SHISA9: variants seen among roughly 807,000 people sequenced by gnomAD.
The protein encoded by SHISA9 is shisa family member 9.
A neutral mutation model predicts 38.0 loss-of-function variants in SHISA9; 13 were observed. The observed-to-expected ratio is 0.34, with a 90% CI of 0.22 to 0.54. SHISA9 has a LOEUF of 0.54. SHISA9 is among the 20% of genes least tolerant of loss of function. SHISA9 has a pLI of 0.91. For missense variants in SHISA9, 538 were observed against 575.8 expected, an observed-to-expected ratio of 0.93 and a Z score of 0.67; for synonymous variants, 275 against 242.0, an observed-to-expected ratio of 1.14 and a Z score of -1.27.
At chr16:13,242,974 C>T (rs547709346), downstream of SHISA9, among the ~76,000 whole-genome samples, 61 of 152,276 alleles carry the variant, frequency 4.0e-4, no homozygotes, top group African/African-American at 1.3e-3. Context: ...GGCACGGTGG[C>T]TCATGCCTGT....
At chr16:13,557,121 A>G in the SHISA9 span, among the ~76,000 whole-genome samples, 1 of 152,340 alleles carries the variant, frequency 6.6e-6, no homozygotes, top group Non-Finnish European at 1.5e-5. Context: ...GAAATAATCA[A>G]TGAAGAATAA....
At chr16:13,416,767 G>GA in the SHISA9 span, among the ~76,000 whole-genome samples, 1 of 109,342 alleles carries the variant, frequency 9.1e-6, no homozygotes, top group Admixed American at 1.0e-4. Flanking sequence ...AGGAAGGAAG[G>GA]AAGGAAGGGA....
intron 2 of SHISA9, among the ~76,000 whole-genome samples, chr16:13,063,386 CAA>C (rs1332633829): frequency 6.6e-6 from 1 of 151,268 alleles, no homozygotes; most frequent in African/African-American, 2.4e-5. Context: ...AAAAAAAAAA[CAA>C]AATCCATGTC....
At chr16:13,038,750 C>G (rs80148352) in intron 2 of SHISA9, among the ~76,000 whole-genome samples, 4,057 of 152,260 alleles carry the variant, frequency 0.027, 112 homozygotes, top group East Asian at 0.12. Context: ...TAATTCTCTT[C>G]CTCACTAGAC....
At chr16:13,289,364 G>T in the SHISA9 span, among the ~76,000 whole-genome samples, 1 of 151,328 alleles carries the variant, frequency 6.6e-6, no homozygotes, top group Non-Finnish European at 1.5e-5. Context: ...TTTGGTTGGT[G>T]GGGGGGCGGG....
chr16:13,060,523 C>T (rs1401865771), intron 2 of SHISA9, among the ~76,000 whole-genome samples: 2 of 150,292 alleles, frequency 1.3e-5, no homozygotes, highest in East Asian at 2.0e-4. Context: ...AAGCCTTGGG[C>T]GATGGTAGGT....
chr16:13,281,574 T>C, the SHISA9 span, among the ~76,000 whole-genome samples: 1 of 151,046 alleles, frequency 6.6e-6, no homozygotes, highest in African/African-American at 2.4e-5. Flanking sequence ...TTTTTTTTTC[T>C]TTCTTTTCTT....
intron 3 of SHISA9, chr16:13,204,945 C>T (rs1207793088): frequency 6.6e-6 from 1 of 152,230 alleles, no homozygotes; most frequent in African/African-American, 2.4e-5. Context: ...GTTACCCTGA[C>T]AGTGACTGAG....
At chr16:12,994,508 G>C (rs1406272989) in intron 2 of SHISA9, among the ~76,000 whole-genome samples, 4 of 152,162 alleles carry the variant, frequency 2.6e-5, no homozygotes. Context: ...CTTGCCATGA[G>C]AATGACAAGC....
At chr16:13,115,533 G>T (rs2074023414) in intron 2 of SHISA9, among the ~76,000 whole-genome samples, 1 of 152,212 alleles carries the variant, frequency 6.6e-6, no homozygotes, top group South Asian at 2.1e-4. Flanking sequence ...GGCGGGCCAG[G>T]TGTTCCTTGC....
intron 2 of SHISA9, among the ~76,000 whole-genome samples, chr16:13,058,802 G>A (rs1356130454): frequency 6.6e-6 from 1 of 151,262 alleles, no homozygotes; most frequent in Admixed American, 6.6e-5. Context: ...TGTGTGGTGG[G>A]AGATGTCTCC....
chr16:12,985,029 C>T (rs1433050697), intron 2 of SHISA9, among the ~76,000 whole-genome samples: 1 of 152,156 alleles, frequency 6.6e-6, no homozygotes, highest in Admixed American at 6.5e-5. Context: ...TGCCCCTGAA[C>T]CCACTCCCTC....
intron 2 of SHISA9, among the ~76,000 whole-genome samples, chr16:13,177,854 C>T (rs1457128548): frequency 2.0e-5 from 3 of 152,020 alleles, no homozygotes; most frequent in Admixed American, 2.0e-4. Context: ...ATTTTTAGTA[C>T]AGAAGGGGTT....
At chr16:13,537,869 G>C in the SHISA9 span, among the ~76,000 whole-genome samples, 5 of 151,948 alleles carry the variant, frequency 3.3e-5, no homozygotes, top group Admixed American at 2.6e-4. Flanking sequence ...ATTATGCAGA[G>C]GAAAAACGCT....
the SHISA9 span, among the ~76,000 whole-genome samples, chr16:13,256,896 G>C: frequency 2.1e-4 from 32 of 152,156 alleles, no homozygotes; most frequent in Non-Finnish European, 3.8e-4. Context: ...AGCAGCTGTT[G>C]AAATCAGTGA....
chr16:13,214,901 A>G (rs190030663), intron 4 of SHISA9, among the ~76,000 whole-genome samples: 7 of 152,300 alleles, frequency 4.6e-5, no homozygotes, highest in Admixed American at 2.6e-4. Flanking sequence ...TTGCAATTCA[A>G]GATGAGATTT....
rs116875576 is a variant in SHISA9, at chr16:13,026,804, G to A, written c.691+109989G>A. ...CCTATGTAATGCAGATAAAGCACTT[G>A]ACATGATGGAAGACTAACAAGTAGC... On this transcript the variant is annotated intron_variant, in intron 2 of 4. Coordinates refer to ENST00000558583, the MANE Select transcript of SHISA9 (RefSeq NM_001145204.3). 7.3e-3 allele frequency among the ~76,000 whole-genome samples: 1,119 copies of A among 152,286 alleles called. 7 individuals carry two copies. The highest frequency in any genetic ancestry group is 0.014 in the Middle Eastern group (4 of 294).
chr16:12,927,970 T>C (rs940728409), intron 2 of SHISA9, among the ~76,000 whole-genome samples: 2 of 152,232 alleles, frequency 1.3e-5, no homozygotes, highest in African/African-American at 4.8e-5. Context: ...CATAGTGTGC[T>C]GACTTTTCGA....
chr16:13,277,818 G>C, the SHISA9 span, among the ~76,000 whole-genome samples: 1 of 151,928 alleles, frequency 6.6e-6, no homozygotes, highest in African/African-American at 2.4e-5. Flanking sequence ...CTTTCTGGAA[G>C]AGTCCTTAGG....
Sources: gnomAD v4.1 joint callset for allele counts (sites outside exome capture counted in the v4.1 genomes callset) on GRCh38, gnomAD v4.1.1 for gene constraint, MANE v1.5 for transcripts, NCBI Gene and HGNC (gene_info 2026-07-23, HGNC 2026-07-21) for gene names.